CSMD1: variants seen among roughly 807,000 people sequenced by gnomAD.
CSMD1 encodes the protein CUB and sushi domain-containing protein 1.
A neutral mutation model predicts 417.5 loss-of-function variants in CSMD1; 213 were observed. The observed-to-expected ratio is 0.51, with a 90% CI of 0.46 to 0.57. The LOEUF (loss-of-function observed/expected upper bound fraction) is 0.57. CSMD1 is among the 20% of genes least tolerant of loss of function. CSMD1 has a pLI of 0.00. For missense variants in CSMD1, 6,923 were observed against 4,529.7 expected (o/e 1.53, Z -15.17); for synonymous variants, 2,862 against 1,736.8 (o/e 1.65, Z -16.11).
At chr8:4,931,769 C>A (rs1041300949) in intron 1 of CSMD1, among the ~76,000 whole-genome samples, 2 of 152,172 alleles carry the variant, frequency 1.3e-5, no homozygotes, top group African/African-American at 4.8e-5. Context: ...ATGGCTACCA[C>A]AGAAAGGGTG....
chr8:4,422,812 G>C lies in CSMD1; in HGVS notation c.303-2747C>G, dbSNP rs553832191. Among the ~76,000 whole-genome samples the C allele has an allele frequency of 2.6e-5, 4 of 152,040 alleles. No individual in the cohort carries two copies. In the South Asian group the frequency reaches 6.2e-4, roughly 24 times the overall value. On this transcript the variant is annotated intron_variant, in intron 2 of 69. Coordinates refer to ENST00000635120, the MANE Select transcript of CSMD1 (RefSeq NM_033225.6). ...AGTAAGAGAAAATAGAAATAGGCAA[G>C]ATACGAATTATACACGATGATCAAA...
intron 2 of CSMD1, among the ~76,000 whole-genome samples, chr8:4,489,229 A>T (rs955485564): frequency 6.6e-6 from 1 of 152,184 alleles, no homozygotes; most frequent in South Asian, 2.1e-4. Flanking sequence ...TACTTCTTAC[A>T]TATTTTCTAC....
intron 1 of CSMD1, among the ~76,000 whole-genome samples, chr8:4,912,724 T>G (rs1805778359): frequency 6.6e-6 from 1 of 152,176 alleles, no homozygotes; most frequent in East Asian, 1.9e-4. Context: ...TAACCACCAG[T>G]GACTTTCTAT....
chr8:4,679,741 A>C (rs1381372411), intron 1 of CSMD1, among the ~76,000 whole-genome samples: 1 of 152,186 alleles, frequency 6.6e-6, no homozygotes, highest in African/African-American at 2.4e-5. Context: ...AGTTTCTGTA[A>C]CTACTTATTT....
intron 26 of CSMD1, among the ~76,000 whole-genome samples, chr8:3,238,787 C>G (rs1427927737): frequency 6.6e-6 from 1 of 152,066 alleles, no homozygotes; most frequent in Non-Finnish European, 1.5e-5. Context: ...ATAGCCTTGC[C>G]AGCAAAGATT....
chr8:3,375,212 C>G (rs972827330), intron 18 of CSMD1: 28 of 152,216 alleles, frequency 1.8e-4, no homozygotes, highest in African/African-American at 6.0e-4. Flanking sequence ...AGTCACCTCT[C>G]TCTCCTAAAC....
At chr8:4,171,598 G>A (rs988800396) in intron 3 of CSMD1, among the ~76,000 whole-genome samples, 3 of 151,452 alleles carry the variant, frequency 2.0e-5, no homozygotes, top group African/African-American at 7.3e-5. Flanking sequence ...CAATTCCTTA[G>A]GGGACGGTCC....
chr8:2,953,335 T>A (rs1382191591), intron 65 of CSMD1, among the ~76,000 whole-genome samples: 1 of 152,056 alleles, frequency 6.6e-6, no homozygotes, highest in East Asian at 1.9e-4. Context: ...ATTAAATGTG[T>A]CACACAGCAT....
intron 2 of CSMD1, among the ~76,000 whole-genome samples, chr8:4,482,175 A>G (rs1376769643): frequency 6.6e-6 from 1 of 152,166 alleles, no homozygotes; most frequent in East Asian, 1.9e-4. Flanking sequence ...GGTTTGCTGT[A>G]TAGATTATTT....
intron 3 of CSMD1, among the ~76,000 whole-genome samples, chr8:4,193,197 G>C (rs943847137): frequency 6.6e-6 from 1 of 152,154 alleles, no homozygotes; most frequent in Non-Finnish European, 1.5e-5. Context: ...GGAGTCATAA[G>C]CAGGGCTGAA....
At chr8:4,069,519 C>G (rs1041168900) in intron 3 of CSMD1, among the ~76,000 whole-genome samples, 1 of 152,100 alleles carries the variant, frequency 6.6e-6, no homozygotes, top group Admixed American at 6.6e-5. Context: ...TGCTAATGAT[C>G]GATGATTTGT....
chr8:3,931,725 G>T (rs1023118079), intron 5 of CSMD1, among the ~76,000 whole-genome samples: 1 of 148,958 alleles, frequency 6.7e-6, no homozygotes, highest in African/African-American at 2.5e-5. Flanking sequence ...GCATTACAAG[G>T]CTTTAATCTC....
Position 3,501,542 on chromosome 8 carries a change from T to G in CSMD1, c.1345-7816A>C, listed in dbSNP as rs561065997. ...TAAGATAATTTATAAATGCTTTAATTAATAACTGTAGGTTTGAAATTAATG... is the reference window on the plus strand; with the variant it reads ...TAAGATAATTTATAAATGCTTTAATGAATAACTGTAGGTTTGAAATTAATG... On this transcript the variant is annotated intron_variant, in intron 10 of 69. Coordinates refer to ENST00000635120, the MANE Select transcript of CSMD1 (RefSeq NM_033225.6). 3.3e-5 allele frequency among the ~76,000 whole-genome samples: 5 copies of G among 152,174 alleles called. No individual in the cohort carries two copies. The South Asian group carries it at 1.0e-3, about 32-fold the overall frequency.
chr8:3,641,277 C>T (rs372530196), intron 7 of CSMD1, among the ~76,000 whole-genome samples: 1 of 152,040 alleles, frequency 6.6e-6, no homozygotes, highest in Non-Finnish European at 1.5e-5. Context: ...GAGTAAGTGG[C>T]AGTGATTCCC....
At chr8:4,887,641 T>G (rs1040077804) in intron 1 of CSMD1, among the ~76,000 whole-genome samples, 5 of 152,046 alleles carry the variant, frequency 3.3e-5, no homozygotes, top group African/African-American at 1.2e-4. Flanking sequence ...CAATATTTAT[T>G]AATTCTACTG....
intron 3 of CSMD1, among the ~76,000 whole-genome samples, chr8:4,116,411 G>A (rs187521647): frequency 2.6e-5 from 4 of 151,792 alleles, no homozygotes; most frequent in Admixed American, 6.5e-5. Flanking sequence ...GAACCCTAAC[G>A]TAAGCTGTAC....
chr8:3,744,730 T>TG (rs1388020271), intron 6 of CSMD1, among the ~76,000 whole-genome samples: 2 of 152,220 alleles, frequency 1.3e-5, no homozygotes, highest in Non-Finnish European at 2.9e-5. Flanking sequence ...GAAGAGTCAG[T>TG]GACTTACAGC....
intron 1 of CSMD1, among the ~76,000 whole-genome samples, chr8:4,838,795 C>T (rs1324653192): frequency 6.6e-6 from 1 of 152,176 alleles, no homozygotes; most frequent in Non-Finnish European, 1.5e-5. Flanking sequence ...TCGGAACCGA[C>T]AGACACTGGC....
At chr8:4,992,117 G>C (rs1046390478) in intron 1 of CSMD1, among the ~76,000 whole-genome samples, 7 of 152,114 alleles carry the variant, frequency 4.6e-5, no homozygotes, top group Non-Finnish European at 8.8e-5. Flanking sequence ...CTCTTCCACG[G>C]GGCTGCCCCG....
Sources: allele counts gnomAD v4.1 joint callset (sites outside exome capture counted in the v4.1 genomes callset), GRCh38; gene constraint gnomAD v4.1.1; transcripts MANE v1.5; gene names NCBI Gene and HGNC (gene_info 2026-07-23, HGNC 2026-07-21).